Variants in PPP1R1B observed in about 807,000 individuals in gnomAD.
PPP1R1B encodes protein phosphatase 1 regulatory inhibitor subunit 1B, also known as protein phosphatase 1 regulatory subunit 1B.
PPP1R1B carries 13 observed loss-of-function variants against 28.2 expected under a neutral mutation model. The ratio of observed to expected loss-of-function variants is 0.46; its 90% CI spans 0.30 to 0.73. The LOEUF (loss-of-function observed/expected upper bound fraction) is 0.73. Ranked by LOEUF, PPP1R1B falls within the 30% of genes least tolerant of loss-of-function variation. The pLI is 0.07. For synonymous variants in PPP1R1B, 102 were observed against 97.5 expected, an observed-to-expected ratio of 1.05 and a Z score of -0.27; for missense variants, 236 against 256.7, an observed-to-expected ratio of 0.92 and a Z score of 0.55.
At chr17:39,630,074 G>T in intron 4 of PPP1R1B, 27 bp downstream of exon 4, 1 of 1,607,070 alleles carries the variant, frequency 6.2e-7, no homozygotes, top group Non-Finnish European at 8.5e-7. Flanking sequence ...GACCTTCCTG[G>T]CTGTCCGCCT....
At chr17:39,632,677 T>C (rs2056887569) in intron 4 of PPP1R1B, 1 of 152,200 alleles carries the variant, frequency 6.6e-6, no homozygotes, top group South Asian at 2.1e-4. Flanking sequence ...GGTGATTTAT[T>C]GTGCTTTTAT....
intron 1 of PPP1R1B, among the ~76,000 whole-genome samples, chr17:39,628,141 G>A (rs1323408412): frequency 2.6e-5 from 4 of 152,144 alleles, no homozygotes; most frequent in Admixed American, 2.0e-4. Flanking sequence ...GCTGGCGGGT[G>A]CTGTGACAGA....
intron 2 of PPP1R1B, 113 bp downstream of exon 2, chr17:39,629,343 T>C: frequency 7.5e-7 from 1 of 1,330,866 alleles, no homozygotes; most frequent in Non-Finnish European, 1.1e-6. Flanking sequence ...GGGGAGTGGA[T>C]AAGGTCTGGG....
intron 1 of PPP1R1B, chr17:39,628,756 G>A: frequency 1.0e-6 from 1 of 981,996 alleles, no homozygotes. Flanking sequence ...CTTCCCCAGA[G>A]GGCCCAGCCG....
At chr17:39,630,115 G>A (rs2056866065) in intron 4 of PPP1R1B, 68 bp downstream of exon 4, 4 of 1,444,328 alleles carry the variant, frequency 2.8e-6, no homozygotes, top group Non-Finnish European at 3.9e-6. Context: ...CGCTAGGGGA[G>A]CTTTTGTCAG....
chr17:39,628,433 C>A, intron 1 of PPP1R1B: 1 of 832,906 alleles, frequency 1.2e-6, no homozygotes, highest in Non-Finnish European at 1.4e-6. Flanking sequence ...GATTGCCAAG[C>A]TGAGGGGCGG....
intron 1 of PPP1R1B, among the ~76,000 whole-genome samples, chr17:39,628,940 G>C (rs1413720650): frequency 6.6e-6 from 1 of 152,188 alleles, no homozygotes; most frequent in Non-Finnish European, 1.5e-5. Context: ...CTCGTCCTTT[G>C]GACTTGTTGT....
In PPP1R1B at chr17:39,636,221, G is replaced by T; in HGVS notation, c.*356G>T. On this transcript the variant is annotated 3_prime_UTR_variant, in exon 7 of 7. Coordinates refer to ENST00000254079, the MANE Select transcript of PPP1R1B (RefSeq NM_032192.4). ...CTCCCCTGGACACAGGAGACCCACA[G>T]GGCAGGACCCTAAGATCTGGGGAAA... The T allele has an allele frequency of 4.0e-6, 1 of 252,760 alleles. No homozygotes were observed. Among genetic ancestry groups the T allele is most frequent in the South Asian group, 5.8e-5 (1 of 17,294 alleles). 15.7% of individuals were successfully genotyped at this position (252,760 alleles called of 1,614,324 possible).
chr17:39,635,929 C>T lies in PPP1R1B; in HGVS notation c.*64C>T. 6.4e-7 allele frequency: 1 copy of T among 1,557,934 alleles called. No homozygotes were observed. Among genetic ancestry groups the T allele is most frequent in the East Asian group, 2.3e-5 (1 of 43,674 alleles). Reference sequence around the variant, plus strand: ...CATCGCTGTTCCCCAGAAACCCACTCTATCCTCACCCTGTTTTGTGCTCTT... The same window carrying T: ...CATCGCTGTTCCCCAGAAACCCACTTTATCCTCACCCTGTTTTGTGCTCTT... On this transcript the variant is annotated 3_prime_UTR_variant, in exon 7 of 7. Coordinates refer to ENST00000254079, the MANE Select transcript of PPP1R1B (RefSeq NM_032192.4).
intron 4 of PPP1R1B, among the ~76,000 whole-genome samples, chr17:39,630,789 G>T (rs989662950): frequency 6.6e-6 from 1 of 152,164 alleles, no homozygotes; most frequent in African/African-American, 2.4e-5. Flanking sequence ...AGCTAAGCGG[G>T]CCGGGCGCAG....
intron 1 of PPP1R1B, 32 bp from the exon 2 acceptor site, chr17:39,629,138 C>T (rs2056857317): frequency 6.2e-7 from 1 of 1,604,476 alleles, no homozygotes; most frequent in Non-Finnish European, 8.5e-7. Flanking sequence ...CTGCAGGTGT[C>T]CATCCAGTCA....
intron 4 of PPP1R1B, chr17:39,632,190 G>A (rs369319004): frequency 6.6e-6 from 1 of 152,572 alleles, no homozygotes; most frequent in African/African-American, 2.4e-5. Context: ...ACTTGTGGTG[G>A]GGGGAGTTTG....
Position 39,630,087 on chromosome 17 carries a change from T to C in PPP1R1B, c.241+40T>C, listed in dbSNP as rs749814142. The C allele has an allele frequency of 2.5e-6, 4 of 1,578,952 alleles. No homozygotes were observed. In the East Asian group the frequency reaches 8.9e-5, roughly 35 times the overall value. On this transcript the variant is annotated intron_variant, in intron 4 of 6. Coordinates refer to ENST00000254079, the MANE Select transcript of PPP1R1B (RefSeq NM_032192.4). Reference sequence around the variant, plus strand: ...CCGACCTTCCTGGCTGTCCGCCTGATCCCTGGAACTGGGCAGACGCTAGGG... The same window carrying C: ...CCGACCTTCCTGGCTGTCCGCCTGACCCCTGGAACTGGGCAGACGCTAGGG...
chr17:39,630,522 T>G, intron 4 of PPP1R1B: 1 of 173,682 alleles, frequency 5.8e-6, no homozygotes, highest in Non-Finnish European at 1.2e-5. Context: ...CCATTCCTTT[T>G]GCACACTTAC....
At chr17:39,634,108 A>G in intron 5 of PPP1R1B, 22 bp downstream of exon 5, 1 of 1,612,984 alleles carries the variant, frequency 6.2e-7, no homozygotes, top group Non-Finnish European at 8.5e-7. Flanking sequence ...GGCCTGTGAC[A>G]TGTGGATTAG....
intron 3 of PPP1R1B, 84 bp downstream of exon 3, chr17:39,629,646 A>G: frequency 7.0e-7 from 1 of 1,432,392 alleles, no homozygotes; most frequent in Non-Finnish European, 9.7e-7. Context: ...ACAACCAACC[A>G]GTATGGGGTG....
chr17:39,628,235 A>AG (rs577505096), intron 1 of PPP1R1B, among the ~76,000 whole-genome samples: 2 of 149,008 alleles, frequency 1.3e-5, no homozygotes, highest in Non-Finnish European at 3.0e-5. Flanking sequence ...AGCAGTGATG[A>AG]GGGGGCCAAG....
rs2056844606 is a variant in PPP1R1B, at chr17:39,627,319, C to CG, written c.-69dup. 3 of 1,025,112 alleles carry CG rather than the reference C, an allele frequency of 2.9e-6. No individual in the cohort carries two copies. Among genetic ancestry groups the CG allele is most frequent in the African/African-American group, 1.7e-5 (1 of 59,678 alleles). The allele number at this position is 1,025,112 out of a possible 1,614,324, so 63.5% of individuals were successfully genotyped here. A position where few individuals can be genotyped will look rare whatever the true frequency, so the allele number is the denominator to read the frequency against. On this transcript the variant is annotated 5_prime_UTR_variant, in exon 1 of 7. Transcript: ENST00000254079. Reference sequence around the variant, plus strand: ...CTCGCCGCACAGCCCGCCGCCTGCGCGGGGGAGCCCAGCACAGACCGCCGC... The same window carrying CG: ...CTCGCCGCACAGCCCGCCGCCTGCGCGGGGGGAGCCCAGCACAGACCGCCGC...
Position 39,627,193 on chromosome 17 carries a change from G to T in PPP1R1B, c.-200G>T, listed in dbSNP as rs2056843586. The T allele has an allele frequency of 1.0e-5, 5 of 492,118 alleles. No individual in the cohort carries two copies. The highest frequency in any genetic ancestry group is 3.6e-5 in the East Asian group (1 of 27,630). 30.5% of individuals were successfully genotyped at this position (492,118 alleles called of 1,614,324 possible). ...GCGAGCCCCGAGTCCCGAGAGCCTG[G>T]GGGCGCGCCCAGCCCGGGCGCCGAC... On this transcript the variant is annotated 5_prime_UTR_variant, in exon 1 of 7. Transcript: ENST00000254079.
Sources: allele counts gnomAD v4.1 joint callset (sites outside exome capture counted in the v4.1 genomes callset), GRCh38; gene constraint gnomAD v4.1.1; transcripts MANE v1.5; gene names NCBI Gene and HGNC (gene_info 2026-07-23, HGNC 2026-07-21).